MCF2L: variants seen among roughly 807,000 people sequenced by gnomAD.
MCF2L encodes the protein guanine nucleotide exchange factor DBS.
Under a neutral mutation model 153.4 loss-of-function variants are expected in MCF2L, and 97 were observed. The observed-to-expected ratio is 0.63, with a 90% CI of 0.54 to 0.75. MCF2L has a LOEUF of 0.75. MCF2L is among the 30% of genes least tolerant of loss of function. The pLI, the probability that MCF2L is intolerant of heterozygous loss-of-function variation, is 0.00. For missense variants in MCF2L, 1,347 were observed against 1,495.2 expected, an observed-to-expected ratio of 0.90 and a Z score of 1.64; for synonymous variants, 659 against 632.2, an observed-to-expected ratio of 1.04 and a Z score of -0.64.
chr13:113,096,507 G>C, intron 28 of MCF2L, 24 bp downstream of exon 28: 1 of 1,582,234 alleles, frequency 6.3e-7, no homozygotes. Flanking sequence ...CTCAGCCCCG[G>C]ACTGCCCCGC....
At chr13:112,924,713 T>C (rs1566641418) in intron 2 of MCF2L, among the ~76,000 whole-genome samples, 1 of 152,218 alleles carries the variant, frequency 6.6e-6, no homozygotes, top group Non-Finnish European at 1.5e-5. Flanking sequence ...CATCATCTTT[T>C]TCTTTCTCAG....
rs78402315 is a variant in MCF2L, at chr13:113,004,035, G to A, written c.80-10728G>A. Among the ~76,000 whole-genome samples, 208 of 152,342 alleles carry A rather than the reference G, an allele frequency of 1.4e-3. 3 individuals carry two copies. The East Asian group carries it at 0.037, about 27-fold the overall frequency. ...AATTTTAAAGGAAAGAATTTGTTAT[G>A]ACGACTGTTCTCATTCTCCTTTAGG... On this transcript the variant is annotated intron_variant, in intron 1 of 29. Transcript: ENST00000535094.
In MCF2L at chr13:113,064,202, A is replaced by T. The variant is rs1056016283; in HGVS notation, c.490-102A>T. 4 of 851,918 alleles carry T rather than the reference A, an allele frequency of 4.7e-6. No individual in the cohort carries two copies. The African/African-American group carries it at 6.6e-5, about 14-fold the overall frequency. The allele number at this position is 851,918 out of a possible 1,614,324, so 52.8% of individuals were successfully genotyped here. On this transcript the variant is annotated intron_variant, in intron 5 of 29. Coordinates refer to ENST00000535094, the MANE Select transcript of MCF2L (RefSeq NM_001112732.3). The surrounding 1 kb of genome is among the most constrained non-coding windows in gnomAD (Gnocchi z 6.0). ...ACAGCCGCCCGCAGCATCCAGGCAGACGTGGTCCTCTCTGTGCTGCTGGGT... is the reference window on the plus strand; with the variant it reads ...ACAGCCGCCCGCAGCATCCAGGCAGTCGTGGTCCTCTCTGTGCTGCTGGGT...
At chr13:113,057,367 G>A (rs2030213144) in intron 4 of MCF2L, among the ~76,000 whole-genome samples, 1 of 144,490 alleles carries the variant, frequency 6.9e-6, no homozygotes, top group South Asian at 2.3e-4. Context: ...GAGTGTTTGG[G>A]GGCTGTTTGG....
chr13:112,935,606 G>A (rs904200234), intron 2 of MCF2L, among the ~76,000 whole-genome samples: 7 of 152,142 alleles, frequency 4.6e-5, no homozygotes, highest in African/African-American at 1.7e-4. Context: ...TTGCCCAACC[G>A]TAGCCTCACG....
In MCF2L at chr13:113,045,019, C is replaced by T. The variant is rs139021834; in HGVS notation, c.279-252C>T. 1.3e-5 allele frequency: 17 copies of T among 1,274,978 alleles called. No homozygotes were observed. Among genetic ancestry groups the T allele is most frequent in the African/African-American group, 1.0e-4 (7 of 67,684 alleles). The allele number at this position is 1,274,978 out of a possible 1,614,324, so 79.0% of individuals were successfully genotyped here. ...GATGGTTCTGCCTCAATCTGTGACTCGAGGTGGTTGGTGTTAGGCTGAGAA... is the reference window on the plus strand; with the variant it reads ...GATGGTTCTGCCTCAATCTGTGACTTGAGGTGGTTGGTGTTAGGCTGAGAA... On this transcript the variant is annotated intron_variant, in intron 3 of 29. Transcript: ENST00000535094. This position sits in a 1 kb window ranked among gnomAD's most constrained non-coding sequence, Gnocchi z 4.2.
chr13:113,002,994 C>A (rs1218031438), intron 1 of MCF2L, among the ~76,000 whole-genome samples: 1 of 143,900 alleles, frequency 6.9e-6, no homozygotes, highest in Non-Finnish European at 1.5e-5. Flanking sequence ...CATACCAAGA[C>A]CTCATCTGTT....
chr13:112,913,985 A>T (rs1248104010), intron 2 of MCF2L, among the ~76,000 whole-genome samples: 1 of 152,060 alleles, frequency 6.6e-6, no homozygotes, highest in Non-Finnish European at 1.5e-5. Context: ...CAGACTCCTT[A>T]GCGTTGCGTT....
At position 113,087,038 on chromosome 13, in the gene MCF2L, C is replaced by A. The variant is rs533259057; in HGVS notation, c.2374-197C>A. Among the ~76,000 whole-genome samples, 5 of 152,318 alleles carry A rather than the reference C, an allele frequency of 3.3e-5. No homozygotes were observed. The East Asian group carries it at 9.7e-4, about 29-fold the overall frequency. ...CTGTCCTAGAAGCCCATGTGCCCCG[C>A]CAGTCCATCCCTCCTCCCCCAGCCC... On this transcript the variant is annotated intron_variant, in intron 21 of 29. Transcript: ENST00000535094.
chr13:113,094,128 T>C (rs574519907), intron 26 of MCF2L: 1 of 159,352 alleles, frequency 6.3e-6, no homozygotes, highest in Non-Finnish European at 1.4e-5. Flanking sequence ...CTCGGTCTGC[T>C]AGGTGTTGAA....
rs184237107 is a variant in MCF2L at position 112,898,246 on chromosome 13, C to T, written c.-5+3815C>T. Among the ~76,000 whole-genome samples, 458 of 152,280 alleles carry T rather than the reference C, an allele frequency of 3.0e-3. 2 individuals carry two copies. The highest frequency in any genetic ancestry group is 3.0e-3 in the Non-Finnish European group (207 of 68,012). ...TCACTGCTTCCCCCGCATGTGTGGC[C>T]GACGTAAAGTCCACCCAGTCCTCAG... On this transcript the variant is annotated intron_variant, in intron 1 of 29. Coordinates refer to the MCF2L transcript ENST00000375608.
rs1273830074 is a variant in MCF2L, at chr13:113,078,439, G to A, written c.1734+3G>A. The A allele has an allele frequency of 5.0e-6, 8 of 1,609,834 alleles. No homozygotes were observed. The highest frequency in any genetic ancestry group is 6.8e-6 in the Non-Finnish European group (8 of 1,178,476). ...GAGGGCCCTACCGGAGGGCCAAGGT[G>A]AGGCTTGCCCAAGACAACCCCGCCA... On this transcript the variant is annotated splice_donor_region_variant and intron_variant, in intron 14 of 29. Coordinates refer to ENST00000535094, the MANE Select transcript of MCF2L (RefSeq NM_001112732.3).
rs2086062582 is a variant in MCF2L, at chr13:113,035,001, C to T, written c.278+10243C>T. ...GATAGCAAGGGACCTATGGCGCCCA[C>T]ACCGGAGGGCGGGAAAAGGAGGAAG... On this transcript the variant is annotated intron_variant, in intron 3 of 29. Coordinates refer to ENST00000535094, the MANE Select transcript of MCF2L (RefSeq NM_001112732.3). The surrounding 1 kb of genome is among the most constrained non-coding windows in gnomAD (Gnocchi z 4.4). Among the ~76,000 whole-genome samples, 1 of 152,212 alleles carries T rather than the reference C, an allele frequency of 6.6e-6. No homozygotes were observed. The highest frequency in any genetic ancestry group is 1.5e-5 in the Non-Finnish European group (1 of 68,034).
intron 2 of MCF2L, among the ~76,000 whole-genome samples, chr13:113,018,221 C>T (rs72661981): frequency 0.12 from 18,024 of 152,212 alleles, 1,435 homozygotes; most frequent in East Asian, 0.18. Context: ...GGACGAGCTG[C>T]GGAAGTCACA....
intron 2 of MCF2L, chr13:112,956,169 GC>G (rs1566659671): frequency 6.5e-6 from 1 of 154,898 alleles, no homozygotes; most frequent in Non-Finnish European, 1.4e-5. Flanking sequence ...GCCGGTCTGT[GC>G]CGCAAAGCCT....
At position 112,981,507 on chromosome 13, in the gene MCF2L, A is replaced by G. The variant is rs534509612; in HGVS notation, c.79+12049A>G. Among the ~76,000 whole-genome samples, 4 of 152,180 alleles carry G rather than the reference A, an allele frequency of 2.6e-5. No individual in the cohort carries two copies. In the South Asian group the frequency reaches 8.3e-4, roughly 32 times the overall value. ...AATGTGAGGGCGGTGAGACACCCCC[A>G]TCCTGTAAGGAAGTGTGCACCGAGC... On this transcript the variant is annotated intron_variant, in intron 1 of 29. Transcript: ENST00000535094.
At chr13:112,898,940 C>T (rs902333766) in intron 1 of MCF2L, among the ~76,000 whole-genome samples, 1 of 152,206 alleles carries the variant, frequency 6.6e-6, no homozygotes, top group Non-Finnish European at 1.5e-5. Flanking sequence ...CCCACCACCC[C>T]ACCCTGTGCC....
rs974861719 is a variant in MCF2L at position 112,993,517 on chromosome 13, G to C, written c.80-21246G>C. 6.6e-6 allele frequency among the ~76,000 whole-genome samples: 1 copy of C among 152,178 alleles called. No individual in the cohort carries two copies. The highest frequency in any genetic ancestry group is 2.4e-5 in the African/African-American group (1 of 41,432). On this transcript the variant is annotated intron_variant, in intron 1 of 29. Transcript: ENST00000535094. This position sits in a 1 kb window ranked among gnomAD's most constrained non-coding sequence, Gnocchi z 4.6. The stretch of plus-strand genomic sequence containing the variant: ...AGGACCACCCTAGTCGTTCAGGCGT[G>C]GGATGAGGCTCCAGGATCGCAGCCA...
intron 4 of MCF2L, among the ~76,000 whole-genome samples, chr13:113,052,001 G>A (rs1033703514): frequency 1.3e-5 from 2 of 152,162 alleles, no homozygotes; most frequent in Non-Finnish European, 2.9e-5. Flanking sequence ...GTTTGGTAGG[G>A]ACGAACATTC....
Sources: gnomAD v4.1 joint callset for allele counts (sites outside exome capture counted in the v4.1 genomes callset) on GRCh38, gnomAD v4.1.1 for gene constraint, Gnocchi (gnomAD v3.1) non-coding constraint, MANE v1.5 for transcripts, NCBI Gene and HGNC (gene_info 2026-07-23, HGNC 2026-07-21) for gene names.